The following CNTNAP3 variants were observed in gnomAD, a reference collection of about 807,000 sequenced individuals.
The protein encoded by CNTNAP3 is contactin associated protein family member 3.
Under a neutral mutation model 92.1 loss-of-function variants are expected in CNTNAP3, and 36 were observed. The ratio of observed to expected loss-of-function variants is 0.39; its 90% CI spans 0.30 to 0.52. The LOEUF (loss-of-function observed/expected upper bound fraction) is 0.52. CNTNAP3 is among the 20% of genes least tolerant of loss of function. CNTNAP3 has a pLI of 0.76. For synonymous variants in CNTNAP3, 232 were observed against 422.3 expected (o/e 0.55, Z 5.53); for missense variants, 534 against 1,069.6 (o/e 0.50, Z 6.98).
chr9:39,102,412 T>G (rs907086236), intron 17 of CNTNAP3, 85 bp downstream of exon 17: 2 of 1,564,126 alleles, frequency 1.3e-6, no homozygotes, highest in African/African-American at 2.7e-5. Context: ...TGGCAACTGT[T>G]GCTCTCAGTA....
Position 39,069,735 on chromosome 9 carries a change from G to A in CNTNAP3, c.*4155C>T, listed in dbSNP as rs1375753053. On this transcript the variant is annotated 3_prime_UTR_variant, in exon 24 of 24. Transcript: ENST00000297668. ...TTCTTAAGGTTACATTTGCACTTAA[G>A]TATACCAACTTAAACCGTGAGTGGC... 8.5e-5 allele frequency among the ~76,000 whole-genome samples: 13 copies of A among 152,392 alleles called. No homozygotes were observed. Among genetic ancestry groups the A allele is most frequent in the South Asian group, 6.2e-4 (3 of 4,826 alleles).
At chr9:39,092,506 A>T (rs1826228589) in intron 18 of CNTNAP3, among the ~76,000 whole-genome samples, 1 of 134,912 alleles carries the variant, frequency 7.4e-6, no homozygotes, top group Non-Finnish European at 1.6e-5. Context: ...CGGAGTGTAT[A>T]GTTTAATTTC....
chr9:39,126,603 G>C (rs994411566), intron 13 of CNTNAP3, among the ~76,000 whole-genome samples: 1 of 152,026 alleles, frequency 6.6e-6, no homozygotes, highest in Non-Finnish European at 1.5e-5. Context: ...AACCAAGTGG[G>C]ATTTACTCTA....
At chr9:39,138,558 T>C (rs1346138689) in intron 12 of CNTNAP3, among the ~76,000 whole-genome samples, 1 of 152,210 alleles carries the variant, frequency 6.6e-6, no homozygotes, top group African/African-American at 2.4e-5. Context: ...AAAGCTCTGG[T>C]GTACTTCAAG....
At chr9:39,175,784 AAAAT>A (rs1250221013) in intron 7 of CNTNAP3, among the ~76,000 whole-genome samples, 161 bp downstream of exon 7, 3 of 140,960 alleles carry the variant, frequency 2.1e-5, no homozygotes, top group Admixed American at 1.4e-4. Context: ...CTCTGTCTTA[AAAAT>A]AAATAAATAA....
Position 39,152,814 on chromosome 9 carries a change from C to A in CNTNAP3, c.1478-2837G>T, listed in dbSNP as rs543318155. Among the ~76,000 whole-genome samples the A allele has an allele frequency of 4.3e-5, 5 of 115,940 alleles. No homozygotes were observed. The East Asian group carries it at 1.0e-3, about 24-fold the overall frequency. The allele number at this position is 115,940 out of a possible 152,430, so 76.1% of individuals were successfully genotyped here. On this transcript the variant is annotated intron_variant, in intron 9 of 23. Transcript: ENST00000297668. ...GGGACTACAGGCACGCGCCACCACA[C>A]CCTGCTAATTTTTTTTTTTTTGTAT...
intron 10 of CNTNAP3, among the ~76,000 whole-genome samples, chr9:39,147,794 A>ATAGTTTTG (rs1491559804): frequency 9.8e-5 from 15 of 152,344 alleles, no homozygotes; most frequent in Non-Finnish European, 2.9e-5. Flanking sequence ...AGTAAAAACA[A>ATAGTTTTG]TAGTTTTGTA....
intron 13 of CNTNAP3, among the ~76,000 whole-genome samples, chr9:39,130,629 C>G (rs574361856): frequency 1.3e-5 from 2 of 152,024 alleles, no homozygotes; most frequent in East Asian, 3.9e-4. Flanking sequence ...CTCAGCCTCC[C>G]AAGTAGCTGG....
At chr9:39,252,532 C>T (rs1023282054) in intron 2 of CNTNAP3, among the ~76,000 whole-genome samples, 3 of 34 alleles carry the variant, frequency 0.088, 1 homozygote, top group African/African-American at 0.038. Flanking sequence ...TATCAAATGC[C>T]CCATCATATT....
In CNTNAP3 at chr9:39,149,860, C is replaced by T; in HGVS notation, c.1595G>A (p.Gly532Glu). ...GAGGTCCCTGAAACTCCCCAGCGCC[C>T]CCTGCTGTACTAAGATGGGATCCAC... ...KAVDPILVQQ[G>E]ALGSFRDLQI... is the part of the protein sequence containing the mutation. Residue 532 changes from glycine to glutamate, a missense_variant, in exon 10 of 24, where the codon GGG becomes GAG. By Grantham distance (98) the Gly-to-Glu change is moderately conservative. Transcript: ENST00000297668. 2.5e-6 allele frequency: 4 copies of T among 1,604,000 alleles called. No homozygotes were observed. The highest frequency in any genetic ancestry group is 1.1e-5 in the South Asian group (1 of 89,864).
At chr9:39,090,540 G>T (rs1457372337) in intron 18 of CNTNAP3, among the ~76,000 whole-genome samples, 1 of 152,304 alleles carries the variant, frequency 6.6e-6, no homozygotes, top group Admixed American at 6.5e-5. Context: ...AAATGGCGAG[G>T]TATCTATCTG....
intron 23 of CNTNAP3, among the ~76,000 whole-genome samples, chr9:39,076,038 A>C (rs1037782180): frequency 1.3e-5 from 2 of 152,300 alleles, no homozygotes; most frequent in Non-Finnish European, 2.9e-5. Context: ...GGGAAAGCCC[A>C]GGGGAAGCCT....
At chr9:39,088,354 G>A in intron 19 of CNTNAP3, 69 bp downstream of exon 19, 2 of 1,174,374 alleles carry the variant, frequency 1.7e-6, no homozygotes, top group Non-Finnish European at 2.4e-6. Context: ...CTGCTGAAAA[G>A]ACCCATGTCA....
Position 39,069,452 on chromosome 9 carries a change from A to G in CNTNAP3, c.*4438T>C, listed in dbSNP as rs1176609026. Among the ~76,000 whole-genome samples the G allele has an allele frequency of 6.6e-6, 1 of 152,312 alleles. No homozygotes were observed. Among genetic ancestry groups the G allele is most frequent in the African/African-American group, 2.4e-5 (1 of 41,488 alleles). On this transcript the variant is annotated 3_prime_UTR_variant, in exon 24 of 24. Transcript: ENST00000297668. ...TAGAAATTTTCATATCGCAAAATCT[A>G]AAAGTTCATCTTATGATTTTAAACA...
At chr9:39,083,221 T>C (rs1036357650) in intron 21 of CNTNAP3, among the ~76,000 whole-genome samples, 7 of 152,152 alleles carry the variant, frequency 4.6e-5, no homozygotes, top group African/African-American at 1.7e-4. Context: ...CAGCCTAGAA[T>C]GTATACCTCC....
chr9:39,127,007 C>T (rs1338042145), intron 13 of CNTNAP3, among the ~76,000 whole-genome samples: 11 of 151,518 alleles, frequency 7.3e-5, no homozygotes, highest in Non-Finnish European at 1.0e-4. Flanking sequence ...CATATCCCGG[C>T]GAGCCAAACA....
intron 16 of CNTNAP3, among the ~76,000 whole-genome samples, 182 bp from the exon 17 acceptor site, chr9:39,102,897 G>A (rs1170512984): frequency 1.3e-4 from 20 of 152,200 alleles, no homozygotes; most frequent in African/African-American, 4.6e-4. Context: ...AAAACAGAAC[G>A]GATTTTAACA....
chr9:39,114,001 CATATATATACACACATAT>C (rs1160740374), intron 14 of CNTNAP3, among the ~76,000 whole-genome samples: 4 of 142,702 alleles, frequency 2.8e-5, no homozygotes, highest in Non-Finnish European at 6.0e-5. Context: ...TACACACACA[CATATATATACACACATAT>C]ATATACACAC....
rs771885805 is a variant in CNTNAP3 at position 39,103,764 on chromosome 9, A to C, written c.2516T>G (p.Phe839Cys). Residue 839 changes from phenylalanine to cysteine, a missense_variant, in exon 16 of 24, where the codon TTC becomes TGC. Physicochemically the swap from Phe to Cys is radical, Grantham distance 205 (BLOSUM62 -2). Transcript: ENST00000297668. ...CTTACCACGCAGCTCAATCCTGATG[A>C]AATCTGTGATCCCCAGGTTCTCCAT... ...VFMENLGITD[F>C]IRIELRAPTE... 1.2e-6 allele frequency: 2 copies of C among 1,610,962 alleles called. No homozygotes were observed. The highest frequency in any genetic ancestry group is 1.7e-6 in the Non-Finnish European group (2 of 1,179,774).
Sources: gnomAD v4.1 joint callset for allele counts (sites outside exome capture counted in the v4.1 genomes callset) on GRCh38, gnomAD v4.1.1 for gene constraint, MANE v1.5 for transcripts, NCBI Gene and HGNC (gene_info 2026-07-23, HGNC 2026-07-21) for gene names.